The following RPS6KC1 variants were observed in gnomAD, a reference collection of about 807,000 sequenced individuals.
RPS6KC1 encodes the protein ribosomal protein S6 kinase C1.
In RPS6KC1, 54 loss-of-function variants were observed where a neutral mutation model predicts 103.8. The ratio of observed to expected loss-of-function variants is 0.52; its 90% CI spans 0.42 to 0.65. RPS6KC1 has a LOEUF of 0.65. Among genes scored for constraint, RPS6KC1 ranks in the 30% least tolerant of loss-of-function variants. The pLI is 0.00. For missense variants in RPS6KC1, 1,151 were observed against 1,253.8 expected, an observed-to-expected ratio of 0.92 and a Z score of 1.24; for synonymous variants, 439 against 438.7, an observed-to-expected ratio of 1.00 and a Z score of -0.01.
At chr1:213,132,252 C>T in intron 6 of RPS6KC1, among the ~76,000 whole-genome samples, 1 of 152,214 alleles carries the variant, frequency 6.6e-6, no homozygotes, top group Non-Finnish European at 1.5e-5. Flanking sequence ...AGCACAATAT[C>T]CATTCCTGCT....
chr1:213,442,716 A>T, the RPS6KC1 span, among the ~76,000 whole-genome samples: 8 of 152,304 alleles, frequency 5.3e-5, no homozygotes, highest in South Asian at 1.7e-3. Context: ...AGCATTAGCT[A>T]TGGTGGTGGA....
chr1:213,125,619 T>A (rs1423961081), intron 5 of RPS6KC1: 1 of 120,592 alleles, frequency 8.3e-6, no homozygotes. Flanking sequence ...TTCTCTTTTT[T>A]ATCTGCTTGT....
At chr1:213,818,743 C>T in the RPS6KC1 span, 9 of 152,098 alleles carry the variant, frequency 5.9e-5, no homozygotes, top group East Asian at 1.9e-4. Context: ...TGGATGAAAC[C>T]GAGGCAGAAG....
chr1:213,853,483 A>G, the RPS6KC1 span, among the ~76,000 whole-genome samples: 1 of 152,196 alleles, frequency 6.6e-6, no homozygotes, highest in Non-Finnish European at 1.5e-5. Flanking sequence ...CTTATTATCT[A>G]CCACAAAATA....
the RPS6KC1 span, among the ~76,000 whole-genome samples, chr1:213,359,972 C>G: frequency 6.6e-6 from 1 of 152,188 alleles, no homozygotes; most frequent in Admixed American, 6.5e-5. Flanking sequence ...CGACCTTTCT[C>G]TCTGGCTGCC....
chr1:213,577,578 G>A, the RPS6KC1 span, among the ~76,000 whole-genome samples: 565 of 152,310 alleles, frequency 3.7e-3, 2 homozygotes, highest in Middle Eastern at 6.8e-3. Flanking sequence ...TGACCAAAAA[G>A]TCCAGGCTGA....
the RPS6KC1 span, among the ~76,000 whole-genome samples, chr1:213,402,122 A>G: frequency 6.6e-6 from 1 of 152,172 alleles, no homozygotes; most frequent in East Asian, 1.9e-4. Context: ...GTGTTTATCA[A>G]ATTCCTCCCA....
intron 5 of RPS6KC1, among the ~76,000 whole-genome samples, chr1:213,126,013 C>T (rs1230526491): frequency 6.6e-6 from 1 of 152,020 alleles, no homozygotes. Context: ...GTTATAGTGA[C>T]AAGATACCAG....
At chr1:213,327,879 T>G in the RPS6KC1 span, among the ~76,000 whole-genome samples, 1 of 152,140 alleles carries the variant, frequency 6.6e-6, no homozygotes, top group African/African-American at 2.4e-5. Context: ...CAAGTCTTGG[T>G]CGTCTCATCA....
At chr1:213,688,713 T>C in the RPS6KC1 span, among the ~76,000 whole-genome samples, 2 of 152,222 alleles carry the variant, frequency 1.3e-5, no homozygotes, top group African/African-American at 2.4e-5. Context: ...GTATCTGTGA[T>C]ATGAAATTCT....
At chr1:213,205,536 T>TATA (rs1553378413) in intron 8 of RPS6KC1, 4 of 82,318 alleles carry the variant, frequency 4.9e-5, no homozygotes, top group East Asian at 3.4e-4. Context: ...ACAAACTCAT[T>TATA]TATATATATA....
At chr1:213,420,072 G>A in the RPS6KC1 span, among the ~76,000 whole-genome samples, 3 of 152,192 alleles carry the variant, frequency 2.0e-5, no homozygotes, top group Non-Finnish European at 4.4e-5. Flanking sequence ...GTGCCTTGTC[G>A]ATTGCTCTTC....
chr1:213,278,147 G>C (rs374649618), downstream of RPS6KC1, among the ~76,000 whole-genome samples: 2 of 152,014 alleles, frequency 1.3e-5, no homozygotes, highest in African/African-American at 4.8e-5. Context: ...CAAGGCTGCA[G>C]TGAACCACGA....
intron 3 of RPS6KC1, among the ~76,000 whole-genome samples, chr1:213,085,150 C>A (rs968377703): frequency 3.9e-5 from 6 of 152,208 alleles, no homozygotes; most frequent in African/African-American, 1.4e-4. Context: ...AGACACTGTT[C>A]CTTGCCTCTT....
chr1:213,861,368 T>A, the RPS6KC1 span, among the ~76,000 whole-genome samples: 1 of 152,052 alleles, frequency 6.6e-6, no homozygotes, highest in African/African-American at 2.4e-5. Flanking sequence ...ACCGCACACT[T>A]TCTAAGAGAA....
the RPS6KC1 span, among the ~76,000 whole-genome samples, chr1:213,493,115 T>C: frequency 6.6e-6 from 1 of 152,336 alleles, no homozygotes; most frequent in Non-Finnish European, 1.5e-5. Flanking sequence ...CCTGGTTCTG[T>C]AGGAACATAG....
chr1:213,656,114 G>A, the RPS6KC1 span, among the ~76,000 whole-genome samples: 7 of 152,104 alleles, frequency 4.6e-5, no homozygotes, highest in Non-Finnish European at 1.0e-4. Flanking sequence ...TCTGACTTGG[G>A]TACCAATGTT....
the RPS6KC1 span, among the ~76,000 whole-genome samples, chr1:213,514,076 C>T: frequency 1.1e-4 from 17 of 152,286 alleles, no homozygotes; most frequent in African/African-American, 4.1e-4. Context: ...ATGCCTTTGA[C>T]ATTTCCTGGT....
the RPS6KC1 span, among the ~76,000 whole-genome samples, chr1:213,769,530 A>AGAG: frequency 6.6e-6 from 1 of 151,376 alleles, no homozygotes. Flanking sequence ...AGAGAGAGAG[A>AGAG]GAGAGAGACA....
Sources: gnomAD v4.1 joint callset for allele counts (sites outside exome capture counted in the v4.1 genomes callset) on GRCh38, gnomAD v4.1.1 for gene constraint, MANE v1.5 for transcripts, NCBI Gene and HGNC (gene_info 2026-07-23, HGNC 2026-07-21) for gene names.